The following HDX variants were observed in gnomAD, a reference collection of about 807,000 sequenced individuals.
HDX encodes chromosome X open reading frame 43.
A neutral mutation model predicts 45.2 loss-of-function variants in HDX; 19 were observed. The ratio of observed to expected loss-of-function variants is 0.42; its 90% CI spans 0.29 to 0.62. The LOEUF is 0.62. HDX is among the 20% of genes least tolerant of loss of function. The pLI is 0.20. For synonymous variants in HDX, 188 were observed against 172.8 expected (o/e 1.09, Z -0.69); for missense variants, 532 against 493.9 (o/e 1.08, Z -0.73).
intron 5 of HDX, among the ~76,000 whole-genome samples, chrX:84,421,526 C>A (rs1169334219): frequency 9.5e-6 from 1 of 104,957 alleles, no homozygotes; most frequent in Non-Finnish European, 2.0e-5. Flanking sequence ...GTAAAATAAC[C>A]AGAAAACAGT....
chrX:84,472,124 C>A (rs1246392104), intron 3 of HDX, among the ~76,000 whole-genome samples: 4 of 109,432 alleles, frequency 3.7e-5, no homozygotes, highest in Non-Finnish European at 7.6e-5. Context: ...AAACACACAA[C>A]GTAACCTATT....
intron 6 of HDX, among the ~76,000 whole-genome samples, chrX:84,347,827 C>T (rs1300745082): frequency 9.0e-6 from 1 of 111,252 alleles, no homozygotes; most frequent in Non-Finnish European, 1.9e-5. Context: ...TATTTTTGCT[C>T]CTCTGTAATT....
At chrX:84,330,803 A>T (rs992581173) in intron 9 of HDX, among the ~76,000 whole-genome samples, 1 of 112,063 alleles carries the variant, frequency 8.9e-6, no homozygotes, top group African/African-American at 3.2e-5. Flanking sequence ...CAGCTTTAAG[A>T]TAATTTAATA....
chrX:84,409,104 CA>C (rs1280604186), intron 5 of HDX, among the ~76,000 whole-genome samples: 2 of 110,216 alleles, frequency 1.8e-5, no homozygotes, highest in Admixed American at 1.9e-4. Context: ...TTTATGCAGC[CA>C]AAAAACACAT....
chrX:84,444,754 G>A (rs2039836953), intron 4 of HDX, among the ~76,000 whole-genome samples: 1 of 111,479 alleles, frequency 9.0e-6, no homozygotes, highest in African/African-American at 3.2e-5. Context: ...CTTAAGGTTC[G>A]TGAATTCAAC....
intron 6 of HDX, among the ~76,000 whole-genome samples, chrX:84,360,643 A>C (rs1018089960): frequency 1.3e-4 from 15 of 111,135 alleles, no homozygotes; most frequent in African/African-American, 4.6e-4. Flanking sequence ...TAATGAGGAC[A>C]CTTCATATAA....
At chrX:84,436,125 G>A (rs1412829726) in intron 5 of HDX, among the ~76,000 whole-genome samples, 6 of 55,078 alleles carry the variant, frequency 1.1e-4, no homozygotes, top group African/African-American at 4.2e-4. Flanking sequence ...CATGTCCTTT[G>A]TAGGGACATG....
chrX:84,387,588 T>C (rs5922044), intron 5 of HDX, among the ~76,000 whole-genome samples: 51,554 of 110,812 alleles, frequency 0.47, 9,005 homozygotes, highest in Middle Eastern at 0.72. Flanking sequence ...TCATTGTCTT[T>C]CTTAATTTTT....
chrX:84,422,350 C>A (rs918225898), intron 5 of HDX, among the ~76,000 whole-genome samples: 5 of 110,962 alleles, frequency 4.5e-5, no homozygotes, highest in East Asian at 2.8e-4. Context: ...ACAACATATC[C>A]AAACCTATGG....
intron 4 of HDX, among the ~76,000 whole-genome samples, chrX:84,444,417 A>G (rs1362251694): frequency 1.8e-5 from 2 of 111,263 alleles, no homozygotes; most frequent in African/African-American, 6.5e-5. Context: ...CTATTATAAT[A>G]GTTTGGAAGA....
intron 1 of HDX, among the ~76,000 whole-genome samples, chrX:84,494,819 C>T (rs1381119999): frequency 9.0e-6 from 1 of 111,379 alleles, no homozygotes. Context: ...ACATATGATT[C>T]AGCAATCCCA....
chrX:84,335,578 T>C (rs2036942443), intron 8 of HDX, among the ~76,000 whole-genome samples: 1 of 111,613 alleles, frequency 9.0e-6, no homozygotes, highest in Admixed American at 9.6e-5. Flanking sequence ...AAGGGAAAGA[T>C]GTTTCAATTT....
chrX:84,481,959 CGT>C (rs2148173355), intron 2 of HDX, among the ~76,000 whole-genome samples: 1 of 111,515 alleles, frequency 9.0e-6, no homozygotes, highest in South Asian at 3.8e-4. Context: ...TAAATGAAAA[CGT>C]GTGTTATTTG....
intron 5 of HDX, among the ~76,000 whole-genome samples, chrX:84,364,145 T>C (rs1393640452): frequency 9.0e-6 from 1 of 111,579 alleles, no homozygotes; most frequent in Admixed American, 9.6e-5. Context: ...GAGTTTCCTG[T>C]TTTAAGTATG....
At position 84,386,123 on chromosome X, in the gene HDX, T is replaced by C. The variant is rs780114662; in HGVS notation, c.1306-24511A>G. Among the ~76,000 whole-genome samples the C allele has an allele frequency of 3.6e-5, 4 of 111,558 alleles. No homozygotes were observed. The East Asian group carries it at 8.5e-4, about 24-fold the overall frequency. ...TATATTGAGATGATTATATGTTTTTTATTTTAATTCTCTTCACATGTTTTA... is the reference window on the plus strand; with the variant it reads ...TATATTGAGATGATTATATGTTTTTCATTTTAATTCTCTTCACATGTTTTA... On this transcript the variant is annotated intron_variant, in intron 5 of 10. Coordinates refer to ENST00000373177, the MANE Select transcript of HDX (RefSeq NM_001177479.2).
At chrX:84,484,367 G>A in intron 2 of HDX, among the ~76,000 whole-genome samples, 1 of 111,672 alleles carries the variant, frequency 9.0e-6, no homozygotes, top group Non-Finnish European at 1.9e-5. Context: ...ATGACAGAAG[G>A]GGAAGCAAAC....
At chrX:84,377,300 G>A (rs1023900330) in intron 5 of HDX, among the ~76,000 whole-genome samples, 2 of 111,509 alleles carry the variant, frequency 1.8e-5, no homozygotes, top group African/African-American at 6.5e-5. Flanking sequence ...AACAGACAGT[G>A]AAGACTGTAA....
At chrX:84,491,246 A>C (rs1303867837) in intron 1 of HDX, among the ~76,000 whole-genome samples, 3 of 111,295 alleles carry the variant, frequency 2.7e-5, no homozygotes, top group Non-Finnish European at 5.7e-5. Flanking sequence ...TCTACTTTTC[A>C]TTTTGAATAC....
Position 84,326,553 on chromosome X carries a change from C to T in HDX, c.1825-253G>A, listed in dbSNP as rs192728068. Among the ~76,000 whole-genome samples, 532 of 110,806 alleles carry T rather than the reference C, an allele frequency of 4.8e-3. 9 individuals are homozygous for T. Among genetic ancestry groups the T allele is most frequent in the African/African-American group, 0.017 (516 of 30,493 alleles). ...CCAATAAGTTCCAGTAAGAGAAAAA[C>T]CAAAAAACAGCTCCCTTCTTGGAAA... is the stretch of plus-strand genomic sequence containing the variant. On this transcript the variant is annotated intron_variant, in intron 9 of 10. Coordinates refer to ENST00000373177, the MANE Select transcript of HDX (RefSeq NM_001177479.2).
Sources: gnomAD v4.1 joint callset for allele counts (sites outside exome capture counted in the v4.1 genomes callset) on GRCh38, gnomAD v4.1.1 for gene constraint, MANE v1.5 for transcripts, NCBI Gene and HGNC (gene_info 2026-07-23, HGNC 2026-07-21) for gene names.